Variants in SVEP1 observed in about 807,000 individuals in gnomAD.
The protein encoded by SVEP1 is sushi, von Willebrand factor type A, EGF and pentraxin domain-containing protein 1.
SVEP1 carries 164 observed loss-of-function variants against 367.3 expected under a neutral mutation model. That is an observed-to-expected ratio of 0.45 (90% confidence interval 0.39 to 0.51). The LOEUF (loss-of-function observed/expected upper bound fraction) is 0.51, where lower values mean the gene tolerates loss of function less well. Among genes scored for constraint, SVEP1 ranks in the 20% least tolerant of loss-of-function variants. The pLI, the probability that SVEP1 is intolerant of heterozygous loss-of-function variation, is 0.00. For missense variants in SVEP1, 4,117 were observed against 4,425.3 expected, an observed-to-expected ratio of 0.93 and a Z score of 1.98; for synonymous variants, 1,666 against 1,611.6, an observed-to-expected ratio of 1.03 and a Z score of -0.81.
chr9:110,513,565 C>T (rs1439960820), intron 4 of SVEP1, among the ~76,000 whole-genome samples: 1 of 152,108 alleles, frequency 6.6e-6, no homozygotes, highest in Non-Finnish European at 1.5e-5. Context: ...TACTGAGACC[C>T]TTTACTTATA....
At position 110,407,529 on chromosome 9, in the gene SVEP1, G is replaced by C. The variant is rs1228973127; in HGVS notation, c.8071C>G (p.Leu2691Val). The change falls in exon 38 of 48, where the codon CTT (leucine) becomes GTT (valine). Residue 2691 changes from leucine to valine, a missense_variant. By Grantham distance (32) the Leu-to-Val change is conservative. Around this residue, in one of 4 missense-constraint regions of SVEP1, gnomAD observed 1,765 missense variants for 1,781.1 expected, o/e 0.99. Transcript: ENST00000374469. ...VSYTCNPGYE[L>V]LGNPVLICQE... The stretch of plus-strand genomic sequence containing the variant: ...CAGATCAGCACAGGGTTCCCCAGAA[G>C]TTCATATCCTGGATTACAGGTGTAT... 6.2e-7 allele frequency: 1 copy of C among 1,613,842 alleles called. No homozygotes were observed. The highest frequency in any genetic ancestry group is 1.3e-5 in the African/African-American group (1 of 74,904).
intron 17 of SVEP1, among the ~76,000 whole-genome samples, chr9:110,466,548 G>A (rs1371203035): frequency 1.3e-5 from 2 of 151,646 alleles, no homozygotes; most frequent in African/African-American, 4.9e-5. Flanking sequence ...CACGAGGTCA[G>A]GAGATCGAGA....
rs1349532043 is a variant in SVEP1, at chr9:110,411,403, G to A, written c.6308C>T (p.Ala2103Val). Residue 2103 changes from alanine (A) to valine (V), a missense_variant, in exon 37 of 48, where the codon GCA (alanine) becomes GTA (valine). By Grantham distance (64) the Ala-to-Val change is moderately conservative (BLOSUM62 0). This residue lies in a region of SVEP1 where 2,174 missense variants were observed against 2,494.3 expected (regional missense o/e 0.87). Coordinates refer to ENST00000374469, the MANE Select transcript of SVEP1 (RefSeq NM_153366.4). Reference protein sequence around the residue: ...ILESVSKAKFAAGSVVSFKCM... With the variant: ...ILESVSKAKFVAGSVVSFKCM... ...TTTAAAGCTCACAACTGAGCCAGCT[G>A]CAAATTTTGCTTTGCTCACAGATTC... The A allele has an allele frequency of 3.7e-6, 6 of 1,613,860 alleles. No homozygotes were observed. Among genetic ancestry groups the A allele is most frequent in the Non-Finnish European group, 5.1e-6 (6 of 1,179,880 alleles).
intron 46 of SVEP1, among the ~76,000 whole-genome samples, chr9:110,372,698 A>G (rs1415546808): frequency 2.0e-5 from 3 of 152,084 alleles, no homozygotes; most frequent in Non-Finnish European, 1.5e-5. Context: ...TGGAGGAAAG[A>G]GGAAGATCAT....
In SVEP1 at chr9:110,375,351, C is replaced by A. The variant is rs1175797015; in HGVS notation, c.10600+17G>T. 6 of 1,540,802 alleles carry A rather than the reference C, an allele frequency of 3.9e-6. No individual in the cohort carries two copies. In the Admixed American group the frequency reaches 1.0e-4, roughly 26 times the overall value. ...GGGCCTGAGCCACCAAGAAAACAAA[C>A]CATGAAAGAGGCCTACCTGTATGAC... On this transcript the variant is annotated intron_variant, in intron 46 of 47. Transcript: ENST00000374469.
intron 5 of SVEP1, 179 bp downstream of exon 5, chr9:110,512,747 T>C (rs1829739556): frequency 6.6e-6 from 5 of 753,166 alleles, no homozygotes; most frequent in Non-Finnish European, 1.1e-5. Flanking sequence ...TAGTTTACAA[T>C]TATGTGGTCA....
chr9:110,529,775 T>G (rs1829994484), intron 3 of SVEP1, among the ~76,000 whole-genome samples: 1 of 152,122 alleles, frequency 6.6e-6, no homozygotes, highest in Non-Finnish European at 1.5e-5. Flanking sequence ...TGGAGGAGTC[T>G]TTAGAGTCTT....
intron 6 of SVEP1, among the ~76,000 whole-genome samples, chr9:110,502,103 A>ACT (rs1829542238): frequency 7.4e-6 from 1 of 135,818 alleles, no homozygotes; most frequent in African/African-American, 2.7e-5. Context: ...AGTTCTTAGA[A>ACT]TTTTTTTTTT....
intron 18 of SVEP1, among the ~76,000 whole-genome samples, chr9:110,460,430 C>G (rs1179771743): frequency 1.3e-5 from 2 of 152,076 alleles, no homozygotes; most frequent in Admixed American, 1.3e-4. Flanking sequence ...TTTCTGTGTC[C>G]TTACTGATTG....
At chr9:110,463,157 G>A (rs1269896659) in intron 18 of SVEP1, among the ~76,000 whole-genome samples, 1 of 151,826 alleles carries the variant, frequency 6.6e-6, no homozygotes, top group African/African-American at 2.4e-5. Context: ...AGGGTAAAAG[G>A]TGGTGTCATC....
At chr9:110,412,745 C>T (rs1828061902) in intron 36 of SVEP1, among the ~76,000 whole-genome samples, 1 of 152,182 alleles carries the variant, frequency 6.6e-6, no homozygotes, top group African/African-American at 2.4e-5. Flanking sequence ...TGAACAGACA[C>T]TTCTCAAAAG....
At chr9:110,497,097 T>C (rs1829462343) in intron 7 of SVEP1, among the ~76,000 whole-genome samples, 164 bp from the exon 8 acceptor site, 1 of 152,222 alleles carries the variant, frequency 6.6e-6, no homozygotes. Flanking sequence ...TGATCATTTA[T>C]CTCAGCATGG....
At chr9:110,486,656 T>C (rs1829282911) in intron 9 of SVEP1, among the ~76,000 whole-genome samples, 1 of 137,336 alleles carries the variant, frequency 7.3e-6, no homozygotes, top group Admixed American at 7.3e-5. Flanking sequence ...TCTCTCTCTC[T>C]TTTTTTTTTT....
At chr9:110,453,843 T>C (rs1311612698) in intron 22 of SVEP1, among the ~76,000 whole-genome samples, 2 of 150,312 alleles carry the variant, frequency 1.3e-5, no homozygotes, top group African/African-American at 4.9e-5. Context: ...CACTCCAGCC[T>C]GGGCGACACA....
chr9:110,368,464 G>A (rs949010186), intron 47 of SVEP1, among the ~76,000 whole-genome samples: 7 of 152,014 alleles, frequency 4.6e-5, no homozygotes, highest in East Asian at 1.9e-4. Context: ...AAACTTTTGC[G>A]TAAAAAATCT....
At chr9:110,400,430 G>C (rs1214131003) in intron 40 of SVEP1, among the ~76,000 whole-genome samples, 1 of 151,334 alleles carries the variant, frequency 6.6e-6, no homozygotes, top group Non-Finnish European at 1.5e-5. Flanking sequence ...GCAGTGGCAT[G>C]ATTTCAGCTC....
At position 110,434,387 on chromosome 9, in the gene SVEP1, G is replaced by T; in HGVS notation, c.5008C>A (p.Gln1670Lys). Reference protein sequence around the residue: ...PGFQLVGNPVQYCLNQGQWTQ... With the variant: ...PGFQLVGNPVKYCLNQGQWTQ... ...CACTGTCCTTGATTCAGACAGTACT[G>T]CACAGGGTTCCCGACCAGCTGGAAG... is the stretch of plus-strand genomic sequence containing the variant. Residue 1670 changes from glutamine (Q) to lysine (K), a missense_variant, in exon 30 of 48, where the codon CAG (glutamine) becomes AAG (lysine). By Grantham distance (53) the Gln-to-Lys change is moderately conservative. Around this residue, in one of 4 missense-constraint regions of SVEP1, gnomAD observed 2,174 missense variants for 2,494.3 expected, o/e 0.87. Transcript: ENST00000374469. 1 of 1,613,242 alleles carries T rather than the reference G, an allele frequency of 6.2e-7. No individual in the cohort carries two copies. Among genetic ancestry groups the T allele is most frequent in the African/African-American group, 1.3e-5 (1 of 74,994 alleles).
In SVEP1 at chr9:110,579,001, CG is replaced by C; in HGVS notation, c.531+11del. The C allele has an allele frequency of 6.5e-7, 1 of 1,536,828 alleles. No homozygotes were observed. Among genetic ancestry groups the C allele is most frequent in the Middle Eastern group, 2.3e-4 (1 of 4,420 alleles). ...GGACTAGGGCCCGGGTCGGGAGGGG[CG>C]GGCGCCTTACCGCGGCTTGCTGGAA... On this transcript the variant is annotated intron_variant, in intron 1 of 47. Transcript: ENST00000374469. This position sits in a 1 kb window ranked among gnomAD's most constrained non-coding sequence, Gnocchi z 5.3.
intron 7 of SVEP1, 66 bp downstream of exon 7, chr9:110,498,975 C>T: frequency 7.0e-7 from 1 of 1,432,178 alleles, no homozygotes; most frequent in Non-Finnish European, 9.5e-7. Context: ...AAGGATTGTC[C>T]TATACTGCAC....
Sources: gnomAD v4.1 joint callset for allele counts (sites outside exome capture counted in the v4.1 genomes callset) on GRCh38, gnomAD v4.1.1 for gene constraint, gnomAD v4.1.1 regional missense constraint, Gnocchi (gnomAD v3.1) non-coding constraint, MANE v1.5 for transcripts, NCBI Gene and HGNC (gene_info 2026-07-23, HGNC 2026-07-21) for gene names.